The following DACH2 variants were observed in gnomAD, a reference collection of about 807,000 sequenced individuals.
DACH2 encodes the protein dachshund family transcription factor 2.
DACH2 carries 17 observed loss-of-function variants against 35.8 expected under a neutral mutation model. The ratio of observed to expected loss-of-function variants is 0.48; its 90% CI spans 0.33 to 0.71. The LOEUF is 0.71. Among genes scored for constraint, DACH2 ranks in the 30% least tolerant of loss-of-function variants. The probability of loss-of-function intolerance (pLI) is 0.02; values close to 1 mark genes in which losing one functional copy is unlikely to be tolerated. For synonymous variants in DACH2, 195 were observed against 177.3 expected (o/e 1.10, Z -0.79); for missense variants, 469 against 472.7 (o/e 0.99, Z 0.07).
chrX:86,433,394 G>C (rs776255828), intron 2 of DACH2, among the ~76,000 whole-genome samples: 16 of 111,618 alleles, frequency 1.4e-4, no homozygotes, highest in Non-Finnish European at 1.1e-4. Flanking sequence ...GGGTGCTTCA[G>C]ATTTATCCAG....
At chrX:86,349,851 A>T (rs2035563013) in intron 1 of DACH2, among the ~76,000 whole-genome samples, 1 of 111,589 alleles carries the variant, frequency 9.0e-6, no homozygotes, top group Non-Finnish European at 1.9e-5. Flanking sequence ...TTTAAATTGA[A>T]ATATTAGATT....
intron 3 of DACH2, among the ~76,000 whole-genome samples, chrX:86,598,134 C>T (rs754964763): frequency 8.9e-4 from 99 of 111,331 alleles, no homozygotes; most frequent in African/African-American, 3.1e-3. Context: ...CCCACCAGGT[C>T]CCTCCCACAA....
intron 11 of DACH2, chrX:86,827,628 T>G (rs976752536): frequency 6.1e-6 from 3 of 495,306 alleles, no homozygotes; most frequent in Non-Finnish European, 1.1e-5. Context: ...GAGAGATATA[T>G]TCAAATCTTG....
At chrX:86,439,602 G>T (rs1359667443) in intron 2 of DACH2, among the ~76,000 whole-genome samples, 2 of 110,936 alleles carry the variant, frequency 1.8e-5, no homozygotes, top group Non-Finnish European at 3.8e-5. Flanking sequence ...GCTCAGTTTC[G>T]TTCTTCTGCA....
At chrX:86,421,413 T>C (rs2036800827) in intron 2 of DACH2, among the ~76,000 whole-genome samples, 1 of 111,379 alleles carries the variant, frequency 9.0e-6, no homozygotes, top group Admixed American at 9.6e-5. Context: ...GTATTATCAA[T>C]GACTGGCAGA....
At chrX:86,644,348 G>A (rs144992007) in intron 3 of DACH2, among the ~76,000 whole-genome samples, 4,807 of 110,969 alleles carry the variant, frequency 0.043, 130 homozygotes, top group East Asian at 0.15. Flanking sequence ...AAAATACCTA[G>A]GAATACAGCT....
At chrX:86,340,744 T>C (rs181310310) in intron 1 of DACH2, among the ~76,000 whole-genome samples, 1 of 111,841 alleles carries the variant, frequency 8.9e-6, no homozygotes, top group South Asian at 3.7e-4. Context: ...TTGAGGGAAA[T>C]TAAAAAGTGC....
intron 5 of DACH2, among the ~76,000 whole-genome samples, chrX:86,714,088 T>A (rs1278050298): frequency 8.9e-6 from 1 of 111,861 alleles, no homozygotes; most frequent in African/African-American, 3.2e-5. Flanking sequence ...CTTCTACAGT[T>A]CTGAAGCTTA....
At chrX:86,151,052 C>A (rs1377850413) in intron 1 of DACH2, among the ~76,000 whole-genome samples, 1 of 110,603 alleles carries the variant, frequency 9.0e-6, no homozygotes, top group Non-Finnish European at 1.9e-5. Flanking sequence ...CCATGATTTT[C>A]AAATAAATAG....
chrX:86,213,437 G>A (rs1250489475), intron 1 of DACH2, among the ~76,000 whole-genome samples: 2 of 110,395 alleles, frequency 1.8e-5, no homozygotes, highest in African/African-American at 6.6e-5. Context: ...TGTCCTTTAG[G>A]GTGGATTATT....
At chrX:86,712,085 T>C (rs770561310) in intron 5 of DACH2, among the ~76,000 whole-genome samples, 1 of 111,462 alleles carries the variant, frequency 9.0e-6, no homozygotes, top group South Asian at 3.8e-4. Flanking sequence ...GTTTGATCAA[T>C]TTGTGACTGA....
chrX:86,777,809 A>C (rs2042050603), intron 7 of DACH2, among the ~76,000 whole-genome samples: 2 of 111,510 alleles, frequency 1.8e-5, no homozygotes. Flanking sequence ...TTGACTGTAT[A>C]AACTGTGATC....
intron 7 of DACH2, among the ~76,000 whole-genome samples, chrX:86,751,529 A>T (rs1443705538): frequency 9.0e-6 from 1 of 111,342 alleles, no homozygotes; most frequent in East Asian, 2.8e-4. Flanking sequence ...TCCAAATAAT[A>T]AGAGCCACCT....
At chrX:86,170,450 T>G (rs1302224659) in intron 1 of DACH2, among the ~76,000 whole-genome samples, 2 of 112,290 alleles carry the variant, frequency 1.8e-5, no homozygotes, top group Non-Finnish European at 3.8e-5. Context: ...CCTCTTGGCC[T>G]AGTGTGGGCC....
chrX:86,450,554 A>G (rs1452259214), intron 2 of DACH2, among the ~76,000 whole-genome samples: 1 of 111,021 alleles, frequency 9.0e-6, no homozygotes, highest in East Asian at 2.9e-4. Context: ...TATCCTTATG[A>G]TAGAAGGATT....
intron 3 of DACH2, among the ~76,000 whole-genome samples, chrX:86,524,522 G>A (rs1041531347): frequency 6.3e-5 from 7 of 111,886 alleles, no homozygotes; most frequent in Admixed American, 4.7e-4. Flanking sequence ...TATTTCTAAC[G>A]TAGAGTTTAG....
intron 7 of DACH2, among the ~76,000 whole-genome samples, chrX:86,786,159 T>A (rs1161603299): frequency 9.1e-6 from 1 of 110,360 alleles, no homozygotes; most frequent in African/African-American, 3.3e-5. Flanking sequence ...GAAGGCAGAG[T>A]GGAAGACAGT....
chrX:86,487,818 C>A (rs1201030801), intron 2 of DACH2, among the ~76,000 whole-genome samples: 1 of 111,624 alleles, frequency 9.0e-6, no homozygotes, highest in African/African-American at 3.2e-5. Context: ...AAAAATATTT[C>A]TCCACGAAGT....
intron 7 of DACH2, among the ~76,000 whole-genome samples, chrX:86,755,442 A>C (rs1224263736): frequency 9.1e-6 from 1 of 110,290 alleles, no homozygotes; most frequent in Non-Finnish European, 1.9e-5. Context: ...CTATTTGTCT[A>C]GTTTTGTTTT....
Sources: allele counts gnomAD v4.1 joint callset (sites outside exome capture counted in the v4.1 genomes callset), GRCh38; gene constraint gnomAD v4.1.1; transcripts MANE v1.5; gene names NCBI Gene and HGNC (gene_info 2026-07-23, HGNC 2026-07-21).